The following ZNF385D variants were observed in gnomAD, a reference collection of about 807,000 sequenced individuals.
ZNF385D encodes the protein zinc finger protein 659.
In ZNF385D, 15 loss-of-function variants were observed where a neutral mutation model predicts 35.8. The observed-to-expected ratio is 0.42, with a 90% confidence interval of 0.28 to 0.64. The LOEUF (loss-of-function observed/expected upper bound fraction) is 0.64. Among genes scored for constraint, ZNF385D ranks in the 30% least tolerant of loss-of-function variants. The pLI is 0.23. For synonymous variants in ZNF385D, 212 were observed against 186.8 expected, an observed-to-expected ratio of 1.13 and a Z score of -1.10; for missense variants, 474 against 494.6, an observed-to-expected ratio of 0.96 and a Z score of 0.39.
intron 2 of ZNF385D, among the ~76,000 whole-genome samples, chr3:21,567,027 G>A (rs1404552059): frequency 1.3e-5 from 2 of 152,186 alleles, no homozygotes. Flanking sequence ...TGCATCAGCA[G>A]CTTGTTCCTT....
At chr3:21,884,338 T>A (rs113845680) in intron 3 of ZNF385D, among the ~76,000 whole-genome samples, 1 of 151,962 alleles carries the variant, frequency 6.6e-6, no homozygotes, top group Non-Finnish European at 1.5e-5. Context: ...TAAATCACCA[T>A]CCCTTCGCTG....
chr3:22,136,924 A>G (rs916532504), intron 3 of ZNF385D, among the ~76,000 whole-genome samples: 1 of 152,158 alleles, frequency 6.6e-6, no homozygotes, highest in Non-Finnish European at 1.5e-5. Flanking sequence ...ATTCTAGAGA[A>G]GGAATAGAGG....
At chr3:21,889,914 A>G (rs1317121416) in intron 3 of ZNF385D, among the ~76,000 whole-genome samples, 1 of 152,076 alleles carries the variant, frequency 6.6e-6, no homozygotes, top group Non-Finnish European at 1.5e-5. Context: ...TGTGTCAGTA[A>G]GTCCAATCTT....
At chr3:21,794,122 T>A (rs764686122) in intron 3 of ZNF385D, among the ~76,000 whole-genome samples, 1 of 152,148 alleles carries the variant, frequency 6.6e-6, no homozygotes, top group African/African-American at 2.4e-5. Context: ...GAGAGCCTTA[T>A]GTGCGTAGCA....
At chr3:21,903,717 T>A (rs1292282007) in intron 3 of ZNF385D, among the ~76,000 whole-genome samples, 2 of 152,114 alleles carry the variant, frequency 1.3e-5, no homozygotes, top group East Asian at 3.9e-4. Flanking sequence ...CATGAACACG[T>A]CTCTCTGGCA....
chr3:21,762,467 T>C (rs2070661699), intron 3 of ZNF385D, among the ~76,000 whole-genome samples: 1 of 152,160 alleles, frequency 6.6e-6, no homozygotes. Flanking sequence ...TTGAGTGCCA[T>C]ACTCATCATT....
chr3:21,981,022 G>C (rs1694412352), intron 3 of ZNF385D, among the ~76,000 whole-genome samples: 1 of 152,048 alleles, frequency 6.6e-6, no homozygotes, highest in Non-Finnish European at 1.5e-5. Context: ...GTGCTGTACT[G>C]AACATTCACG....
chr3:21,540,893 C>T (rs1220850586), intron 3 of ZNF385D, among the ~76,000 whole-genome samples: 1 of 152,130 alleles, frequency 6.6e-6, no homozygotes, highest in Non-Finnish European at 1.5e-5. Context: ...TAAGACTTCC[C>T]CAAACGACTG....
chr3:22,080,328 T>C (rs1176002269), intron 3 of ZNF385D, among the ~76,000 whole-genome samples: 2 of 152,168 alleles, frequency 1.3e-5, no homozygotes, highest in Non-Finnish European at 2.9e-5. Context: ...CAGTCATCTA[T>C]GCAGCTGAGA....
At chr3:22,222,685 C>T (rs924404552) in intron 2 of ZNF385D, among the ~76,000 whole-genome samples, 1 of 152,096 alleles carries the variant, frequency 6.6e-6, no homozygotes, top group Non-Finnish European at 1.5e-5. Context: ...ATCCACCTTC[C>T]ATAGTGTAAA....
chr3:21,880,848 C>T (rs1429750009), intron 3 of ZNF385D, among the ~76,000 whole-genome samples: 3 of 151,672 alleles, frequency 2.0e-5, no homozygotes, highest in East Asian at 3.9e-4. Context: ...TATAAGAAAG[C>T]CAAACAGCCT....
intron 3 of ZNF385D, among the ~76,000 whole-genome samples, chr3:21,563,767 A>G (rs1371768471): frequency 6.6e-6 from 1 of 152,144 alleles, no homozygotes; most frequent in Non-Finnish European, 1.5e-5. Flanking sequence ...TCCAATCCCT[A>G]TTCCTTCTAG....
chr3:21,596,844 C>T (rs2064142090), intron 2 of ZNF385D, among the ~76,000 whole-genome samples: 1 of 152,008 alleles, frequency 6.6e-6, no homozygotes, highest in African/African-American at 2.4e-5. Context: ...TATGTTTTCT[C>T]TTCTCTGCAT....
At chr3:21,718,779 T>C (rs954729372) in intron 1 of ZNF385D, among the ~76,000 whole-genome samples, 3 of 152,236 alleles carry the variant, frequency 2.0e-5, no homozygotes, top group South Asian at 4.1e-4. Flanking sequence ...TCAACCTGAA[T>C]GGAGAATGTT....
chr3:22,075,858 CTCT>C (rs772174965), intron 3 of ZNF385D, among the ~76,000 whole-genome samples: 1 of 151,928 alleles, frequency 6.6e-6, no homozygotes, highest in Non-Finnish European at 1.5e-5. Flanking sequence ...TCAACTATAA[CTCT>C]TCTTGTCTTC....
intron 3 of ZNF385D, among the ~76,000 whole-genome samples, chr3:22,003,714 A>G (rs1696004395): frequency 6.6e-6 from 1 of 152,046 alleles, no homozygotes; most frequent in South Asian, 2.1e-4. Flanking sequence ...TAAAAATACA[A>G]AAATTAGCCA....
At chr3:22,166,617 A>C (rs1203827726) in intron 3 of ZNF385D, among the ~76,000 whole-genome samples, 1 of 152,246 alleles carries the variant, frequency 6.6e-6, no homozygotes, top group Non-Finnish European at 1.5e-5. Context: ...AAATGTATAT[A>C]AAGCCTTTAA....
intron 3 of ZNF385D, among the ~76,000 whole-genome samples, chr3:21,898,943 G>A (rs1483624758): frequency 6.6e-6 from 1 of 152,038 alleles, no homozygotes; most frequent in Non-Finnish European, 1.5e-5. Flanking sequence ...ACGTCTCATT[G>A]GCCAGAACGG....
chr3:21,908,130 C>A (rs544526062), intron 3 of ZNF385D, among the ~76,000 whole-genome samples: 2 of 139,158 alleles, frequency 1.4e-5, no homozygotes, highest in African/African-American at 2.8e-5. Flanking sequence ...ATCTATCTAT[C>A]TATCTATCTA....
Sources: gnomAD v4.1 joint callset for allele counts (sites outside exome capture counted in the v4.1 genomes callset) on GRCh38, gnomAD v4.1.1 for gene constraint, MANE v1.5 for transcripts, NCBI Gene and HGNC (gene_info 2026-07-23, HGNC 2026-07-21) for gene names.